The following WDR89 variants were observed in gnomAD, a reference collection of about 807,000 sequenced individuals.
The protein encoded by WDR89 is WD repeat domain 89.
A neutral mutation model predicts 29.1 loss-of-function variants in WDR89; 17 were observed. That is an observed-to-expected ratio of 0.58 (90% CI 0.40 to 0.88). The LOEUF (loss-of-function observed/expected upper bound fraction) is 0.88. Among genes scored for constraint, WDR89 ranks in the 40% least tolerant of loss-of-function variants. The pLI, the probability that WDR89 is intolerant of heterozygous loss-of-function variation, is 0.00. For missense variants in WDR89, 396 were observed against 456.3 expected, an observed-to-expected ratio of 0.87 and a Z score of 1.20; for synonymous variants, 138 against 157.8, an observed-to-expected ratio of 0.87 and a Z score of 0.94.
intron 2 of WDR89, among the ~76,000 whole-genome samples, chr14:63,603,913 T>C (rs1334677448): frequency 6.6e-6 from 1 of 152,190 alleles, no homozygotes; most frequent in Non-Finnish European, 1.5e-5. Context: ...AAAATAGCCT[T>C]ACCTTGAACA....
In WDR89 at chr14:63,601,331, A is replaced by T. The variant is rs550776936; in HGVS notation, c.-31-1358T>A. On this transcript the variant is annotated intron_variant, in intron 2 of 2. Transcript: ENST00000620954. ...TTGTGATAGTAGAACTGGGATTTGA[A>T]CCTAGGCATTCTGGCTTCAGGCTTC... Among the ~76,000 whole-genome samples, 12 of 151,620 alleles carry T rather than the reference A, an allele frequency of 7.9e-5. No individual in the cohort carries two copies. The South Asian group carries it at 2.5e-3, about 32-fold the overall frequency.
intron 2 of WDR89, among the ~76,000 whole-genome samples, chr14:63,611,074 C>T (rs1881953767): frequency 6.6e-6 from 1 of 151,978 alleles, no homozygotes; most frequent in Non-Finnish European, 1.5e-5. Flanking sequence ...CACAGTGGCT[C>T]ATGCCTGCAA....
chr14:63,598,637 A>G lies in WDR89; in HGVS notation c.*142T>C. ...TAGAATATGTGAAGACCGGAATTAAACCATTCTCACCATATTTTTCCAGGA... is the reference window on the plus strand; with the variant it reads ...TAGAATATGTGAAGACCGGAATTAAGCCATTCTCACCATATTTTTCCAGGA... On this transcript the variant is annotated 3_prime_UTR_variant, in exon 3 of 3. Transcript: ENST00000620954. 1 of 689,402 alleles carries G rather than the reference A, an allele frequency of 1.5e-6. No individual in the cohort carries two copies. The allele number at this position is 689,402 out of a possible 1,614,324, so 42.7% of individuals were successfully genotyped here. A position where few individuals can be genotyped will look rare whatever the true frequency, so the allele number is the denominator to read the frequency against.
At chr14:63,632,347 T>C (rs991023812) in intron 1 of WDR89, among the ~76,000 whole-genome samples, 1 of 151,762 alleles carries the variant, frequency 6.6e-6, no homozygotes, top group Non-Finnish European at 1.5e-5. Flanking sequence ...ACTAGGAAAG[T>C]AGGCCGGGCG....
intron 1 of WDR89, among the ~76,000 whole-genome samples, chr14:63,639,581 A>G (rs1883965756): frequency 6.6e-6 from 1 of 152,204 alleles, no homozygotes; most frequent in Non-Finnish European, 1.5e-5. Flanking sequence ...TCTGTACATA[A>G]TCTGCCCTAA....
intron 1 of WDR89, among the ~76,000 whole-genome samples, chr14:63,637,069 AAAAC>A (rs772842013): frequency 1.3e-5 from 2 of 152,224 alleles, no homozygotes; most frequent in Non-Finnish European, 2.9e-5. Context: ...AGTAAGAAAA[AAAAC>A]AAACAAGCCC....
intron 1 of WDR89, among the ~76,000 whole-genome samples, chr14:63,627,241 G>A (rs1291071928): frequency 6.6e-6 from 1 of 150,504 alleles, no homozygotes; most frequent in Non-Finnish European, 1.5e-5. Flanking sequence ...AAAACTAGAA[G>A]TATGTGTCTC....
chr14:63,607,054 C>G (rs1218358092), intron 2 of WDR89, among the ~76,000 whole-genome samples: 2 of 152,196 alleles, frequency 1.3e-5, no homozygotes, highest in African/African-American at 4.8e-5. Context: ...TTCTATGTAT[C>G]AGAAGAGAAA....
chr14:63,604,695 T>C (rs1895226862), intron 2 of WDR89, among the ~76,000 whole-genome samples: 1 of 152,256 alleles, frequency 6.6e-6, no homozygotes, highest in African/African-American at 2.4e-5. Flanking sequence ...AGTCCTGTTT[T>C]AGTGGTGAAC....
intron 2 of WDR89, among the ~76,000 whole-genome samples, chr14:63,610,766 A>C (rs1881927507): frequency 6.8e-6 from 1 of 146,118 alleles, no homozygotes; most frequent in South Asian, 2.1e-4. Flanking sequence ...GCAGTGGTGC[A>C]ATCTCGGCTC....
At chr14:63,612,306 G>A (rs1406541548) in intron 2 of WDR89, among the ~76,000 whole-genome samples, 1 of 151,478 alleles carries the variant, frequency 6.6e-6, no homozygotes, top group East Asian at 1.9e-4. Flanking sequence ...CAGTACTAAG[G>A]AAAGGTAAAA....
intron 1 of WDR89, among the ~76,000 whole-genome samples, chr14:63,637,454 T>C (rs1054863422): frequency 6.6e-6 from 1 of 152,186 alleles, no homozygotes; most frequent in African/African-American, 2.4e-5. Flanking sequence ...AAAAAGATAC[T>C]TGCACACGCA....
chr14:63,605,188 A>C (rs1023978322), intron 2 of WDR89, among the ~76,000 whole-genome samples: 1 of 144,552 alleles, frequency 6.9e-6, no homozygotes, highest in South Asian at 2.2e-4. Context: ...ATATACACAC[A>C]CACACACATA....
chr14:63,608,378 C>A (rs754412684), intron 2 of WDR89, among the ~76,000 whole-genome samples: 30 of 151,092 alleles, frequency 2.0e-4, no homozygotes, highest in Non-Finnish European at 4.0e-4. Context: ...GTCTCTTTCT[C>A]AAAAAAAATA....
intron 1 of WDR89, among the ~76,000 whole-genome samples, chr14:63,630,487 T>G (rs995782504): frequency 4.6e-5 from 7 of 151,328 alleles, no homozygotes; most frequent in Non-Finnish European, 1.0e-4. Flanking sequence ...TACTAAAAAT[T>G]ACAAAAATTA....
At chr14:63,641,723 T>A (rs1595045650) in intron 1 of WDR89, 81 bp downstream of exon 1, 1 of 152,658 alleles carries the variant, frequency 6.6e-6, no homozygotes, top group African/African-American at 2.4e-5. Context: ...TCTAGCTTTC[T>A]AGACTCAACC....
intron 1 of WDR89, among the ~76,000 whole-genome samples, chr14:63,634,932 G>A (rs530493947): frequency 3.6e-4 from 54 of 150,296 alleles, no homozygotes; most frequent in Non-Finnish European, 5.5e-4. Flanking sequence ...CAGCTACTTC[G>A]AAGGCTGAGG....
intron 2 of WDR89, among the ~76,000 whole-genome samples, chr14:63,603,806 A>T (rs531964870): frequency 2.0e-5 from 3 of 152,300 alleles, no homozygotes; most frequent in African/African-American, 7.2e-5. Flanking sequence ...GTATTCAGAC[A>T]TGAAATGACC....
Position 63,598,731 on chromosome 14 carries a change from G to A in WDR89, c.*48C>T, listed in dbSNP as rs1000139130. ...TCTACCATGGGTAGTAAACAAGAAG[G>A]ACTATTTGAAACTATAAAACCTACC... On this transcript the variant is annotated 3_prime_UTR_variant, in exon 3 of 3. Transcript: ENST00000620954. 6.8e-7 allele frequency: 1 copy of A among 1,475,460 alleles called. No homozygotes were observed. Among genetic ancestry groups the A allele is most frequent in the Non-Finnish European group, 9.0e-7 (1 of 1,107,038 alleles). 91.4% of individuals were successfully genotyped at this position (1,475,460 alleles called of 1,614,324 possible). A position where few individuals can be genotyped will look rare whatever the true frequency, so the allele number is the denominator to read the frequency against.
Sources: allele counts gnomAD v4.1 joint callset (sites outside exome capture counted in the v4.1 genomes callset), GRCh38; gene constraint gnomAD v4.1.1; transcripts MANE v1.5; gene names NCBI Gene and HGNC (gene_info 2026-07-23, HGNC 2026-07-21).